The following DIP2B variants were observed in gnomAD, a reference collection of about 807,000 sequenced individuals.
The protein encoded by DIP2B is DIP2 acetate--CoA ligase B (putative).
A neutral mutation model predicts 198.0 loss-of-function variants in DIP2B; 76 were observed. The observed-to-expected ratio is 0.38, with a 90% confidence interval of 0.32 to 0.46. The LOEUF (loss-of-function observed/expected upper bound fraction) is 0.46, where lower values mean the gene tolerates loss of function less well. Ranked by LOEUF, DIP2B falls within the 20% of genes least tolerant of loss-of-function variation. The pLI, the probability that DIP2B is intolerant of heterozygous loss-of-function variation, is 0.99. For synonymous variants in DIP2B, 701 were observed against 739.1 expected (o/e 0.95, Z 0.84); for missense variants, 1,559 against 1,978.4 (o/e 0.79, Z 4.02).
At chr12:50,708,633 C>T (rs956134033) in intron 22 of DIP2B, 71 bp downstream of exon 22, 15 of 1,287,130 alleles carry the variant, frequency 1.2e-5, no homozygotes, top group South Asian at 5.1e-5. Flanking sequence ...TCATTTTCTT[C>T]GATCAGCCAG....
chr12:50,609,965 A>C (rs760508950), intron 1 of DIP2B, among the ~76,000 whole-genome samples: 5 of 152,232 alleles, frequency 3.3e-5, no homozygotes, highest in Admixed American at 6.5e-5. Flanking sequence ...GGAAGTAAGT[A>C]AATCATATTC....
chr12:50,605,549 T>C (rs976667415), intron 1 of DIP2B, among the ~76,000 whole-genome samples: 4 of 152,138 alleles, frequency 2.6e-5, no homozygotes, highest in Non-Finnish European at 4.4e-5. Context: ...GTCAACAGAG[T>C]GAGACCCTGT....
At chr12:50,713,584 G>C (rs527993520) in intron 22 of DIP2B, among the ~76,000 whole-genome samples, 1 of 152,204 alleles carries the variant, frequency 6.6e-6, no homozygotes, top group Admixed American at 6.6e-5. Flanking sequence ...GTGTGCTATG[G>C]GCCTCACCCC....
intron 37 of DIP2B, 108 bp downstream of exon 37, chr12:50,741,647 C>A: frequency 7.1e-7 from 1 of 1,402,166 alleles, no homozygotes; most frequent in Non-Finnish European, 9.6e-7. Context: ...AAACATAGAG[C>A]TCCATGGGAG....
chr12:50,587,607 T>A (rs1021385474), intron 1 of DIP2B, among the ~76,000 whole-genome samples: 2 of 152,184 alleles, frequency 1.3e-5, no homozygotes, highest in Non-Finnish European at 2.9e-5. Context: ...ACTCTCTCAG[T>A]ATTTCAGTCC....
chr12:50,666,301 T>G (rs1179139285), intron 4 of DIP2B, among the ~76,000 whole-genome samples: 1 of 152,254 alleles, frequency 6.6e-6, no homozygotes, highest in Non-Finnish European at 1.5e-5. Context: ...CATATATTTT[T>G]TTCATTTTTA....
intron 1 of DIP2B, among the ~76,000 whole-genome samples, chr12:50,523,824 A>G (rs1218595982): frequency 6.6e-6 from 1 of 152,216 alleles, no homozygotes; most frequent in African/African-American, 2.4e-5. Flanking sequence ...TCCTCAAATT[A>G]TAAAATATTT....
Position 50,695,863 on chromosome 12 carries a change from T to C in DIP2B, c.1829T>C (p.Val610Ala), listed in dbSNP as rs921336581. ...GAATTTATAGCCAAGGTAGCTTTAGTAAAATGTCGGGACTTGCACTGGGCT... is the reference window on the plus strand; with the variant it reads ...GAATTTATAGCCAAGGTAGCTTTAGCAAAATGTCGGGACTTGCACTGGGCT... ...VHAHKAKVAL[V>A]KCRDLHWAMM... The change falls in exon 16 of 38, where the codon GTA becomes GCA. Residue 610 changes from valine to alanine, a missense_variant. Transcript: ENST00000301180. The C allele has an allele frequency of 1.4e-5, 23 of 1,613,994 alleles. No individual in the cohort carries two copies. The highest frequency in any genetic ancestry group is 1.9e-5 in the Non-Finnish European group (23 of 1,179,954).
At chr12:50,719,137 C>G (rs1333728463) in intron 25 of DIP2B, 102 bp downstream of exon 25, 2 of 1,271,816 alleles carry the variant, frequency 1.6e-6, no homozygotes, top group Non-Finnish European at 2.2e-6. Flanking sequence ...GTTGCCATCT[C>G]TGAAGAAGGA....
intron 21 of DIP2B, among the ~76,000 whole-genome samples, chr12:50,707,606 A>G (rs1404436510): frequency 6.6e-6 from 1 of 152,222 alleles, no homozygotes; most frequent in African/African-American, 2.4e-5. Flanking sequence ...AAACAGGCCA[A>G]GTCTCTGCCC....
chr12:50,692,303 C>CT (rs889291055), intron 13 of DIP2B, among the ~76,000 whole-genome samples: 64 of 144,838 alleles, frequency 4.4e-4, no homozygotes, highest in Middle Eastern at 3.6e-3. Context: ...TACACACCAA[C>CT]TTTTTTTTTT....
chr12:50,534,412 G>A lies in DIP2B; in HGVS notation c.100+29172G>A, dbSNP rs949650984. On this transcript the variant is annotated intron_variant, in intron 1 of 37. Coordinates refer to ENST00000301180, the MANE Select transcript of DIP2B (RefSeq NM_173602.3). The stretch of plus-strand genomic sequence containing the variant: ...TTTTGAGACGGAGTCTCACTGTGTC[G>A]CCCAGACTGGAGTGTAGTAGCGCAA... 5.9e-5 allele frequency among the ~76,000 whole-genome samples: 7 copies of A among 119,426 alleles called. 1 individual carries two copies. Among genetic ancestry groups the A allele is most frequent in the South Asian group, 2.6e-4 (1 of 3,778 alleles). 78.3% of individuals were successfully genotyped at this position (119,426 alleles called of 152,430 possible).
At chr12:50,707,532 C>T (rs79590646) in intron 21 of DIP2B, among the ~76,000 whole-genome samples, 2,712 of 152,328 alleles carry the variant, frequency 0.018, 39 homozygotes, top group South Asian at 0.083. Context: ...ATTCATTCAA[C>T]AAATATTCAT....
intron 4 of DIP2B, among the ~76,000 whole-genome samples, chr12:50,670,815 A>G (rs1350439267): frequency 6.6e-6 from 1 of 152,260 alleles, no homozygotes; most frequent in Non-Finnish European, 1.5e-5. Context: ...CAATGTAGCA[A>G]CATACCACAA....
chr12:50,745,101 G>T lies in DIP2B; in HGVS notation c.*262G>T. The T allele has an allele frequency of 6.7e-6, 3 of 450,814 alleles. No individual in the cohort carries two copies. The highest frequency in any genetic ancestry group is 8.0e-6 in the Non-Finnish European group (2 of 248,490). The allele number at this position is 450,814 out of a possible 1,614,324, so 27.9% of individuals were successfully genotyped here. A position where few individuals can be genotyped will look rare whatever the true frequency, so the allele number is the denominator to read the frequency against. On this transcript the variant is annotated 3_prime_UTR_variant, in exon 38 of 38. Coordinates refer to ENST00000301180, the MANE Select transcript of DIP2B (RefSeq NM_173602.3). ...TTACTAAAGCAATTACATGCATGTTGCATTTTTTTCATCTGTTGTACATAG... is the reference window on the plus strand; with the variant it reads ...TTACTAAAGCAATTACATGCATGTTTCATTTTTTTCATCTGTTGTACATAG...
chr12:50,581,117 T>C (rs1486448856), intron 1 of DIP2B, among the ~76,000 whole-genome samples: 1 of 149,474 alleles, frequency 6.7e-6, no homozygotes, highest in Non-Finnish European at 1.5e-5. Context: ...GACTTACATT[T>C]GTGCTATAGG....
In DIP2B at chr12:50,744,987, A is replaced by T; in HGVS notation, c.*148A>T. ...CATCCTGTGGGATTCTGCAATCATA[A>T]AACACAGGAAAGGGGAATTCTGTGA... On this transcript the variant is annotated 3_prime_UTR_variant, in exon 38 of 38. Transcript: ENST00000301180. 1 of 1,008,684 alleles carries T rather than the reference A, an allele frequency of 9.9e-7. No homozygotes were observed. Among genetic ancestry groups the T allele is most frequent in the South Asian group, 1.7e-5 (1 of 58,332 alleles). The allele number at this position is 1,008,684 out of a possible 1,614,324, so 62.5% of individuals were successfully genotyped here. A position where few individuals can be genotyped will look rare whatever the true frequency, so the allele number is the denominator to read the frequency against.
chr12:50,529,076 G>A (rs916890158), intron 1 of DIP2B, among the ~76,000 whole-genome samples: 1 of 152,154 alleles, frequency 6.6e-6, no homozygotes, highest in Non-Finnish European at 1.5e-5. Context: ...GGAGGGGCAG[G>A]ACATGGCAGT....
chr12:50,556,498 C>T (rs575986543), intron 1 of DIP2B, among the ~76,000 whole-genome samples: 2 of 151,506 alleles, frequency 1.3e-5, no homozygotes, highest in African/African-American at 2.4e-5. Context: ...GTAAAACAGC[C>T]GTTTTACTGG....
Sources: allele counts gnomAD v4.1 joint callset (sites outside exome capture counted in the v4.1 genomes callset), GRCh38; gene constraint gnomAD v4.1.1; transcripts MANE v1.5; gene names NCBI Gene and HGNC (gene_info 2026-07-23, HGNC 2026-07-21).